Variants in SLC25A48 observed in about 807,000 individuals in gnomAD.
SLC25A48 encodes solute carrier family 25 member 48.
A neutral mutation model predicts 32.2 loss-of-function variants in SLC25A48; 29 were observed. The observed-to-expected ratio is 0.90, with a 90% confidence interval of 0.67 to 1.23. The LOEUF is 1.23. Among genes scored for constraint, SLC25A48 ranks in the 50% most tolerant of loss-of-function variants. SLC25A48 has a pLI of 0.00. For synonymous variants in SLC25A48, 164 were observed against 172.3 expected, an observed-to-expected ratio of 0.95 and a Z score of 0.38; for missense variants, 399 against 422.7, an observed-to-expected ratio of 0.94 and a Z score of 0.49.
intron 3 of SLC25A48, among the ~76,000 whole-genome samples, chr5:135,770,473 G>A (rs1179616641): frequency 6.6e-6 from 1 of 151,508 alleles, no homozygotes; most frequent in East Asian, 1.9e-4. Flanking sequence ...AGGCGGGAAG[G>A]GTGATATTAC....
At chr5:135,676,019 G>T (rs1753760816) in intron 3 of SLC25A48, among the ~76,000 whole-genome samples, 1 of 151,754 alleles carries the variant, frequency 6.6e-6, no homozygotes, top group Admixed American at 6.6e-5. Flanking sequence ...TATTTTTGGT[G>T]AACACGAATG....
intron 1 of SLC25A48, among the ~76,000 whole-genome samples, chr5:135,838,714 T>C (rs1313162388): frequency 7.2e-5 from 11 of 152,262 alleles, no homozygotes. Context: ...CCCCAAGCCT[T>C]GGCAGCTTAC....
chr5:135,767,489 T>C (rs1756273318), intron 3 of SLC25A48, among the ~76,000 whole-genome samples: 1 of 151,976 alleles, frequency 6.6e-6, no homozygotes, highest in African/African-American at 2.4e-5. Flanking sequence ...CCTGGTGATA[T>C]TGTTCATAAT....
intron 3 of SLC25A48, among the ~76,000 whole-genome samples, chr5:135,783,329 T>C (rs4036633): frequency 0.52 from 59,024 of 113,974 alleles, 22,569 homozygotes; most frequent in Middle Eastern, 0.72. Flanking sequence ...GGGTGTACAA[T>C]CCCCACTGTG....
At chr5:135,812,885 G>C (rs2126652523) in exon 4 of SLC25A48, 1 of 152,444 alleles carries the variant, frequency 6.6e-6, no homozygotes, top group Non-Finnish European at 1.5e-5. Context: ...AGTGAATGAA[G>C]TGATAAAACC....
intron 1 of SLC25A48, among the ~76,000 whole-genome samples, chr5:135,624,957 CTG>C (rs1364515743): frequency 6.6e-6 from 1 of 152,176 alleles, no homozygotes; most frequent in Non-Finnish European, 1.5e-5. Flanking sequence ...TGGAATATCA[CTG>C]TGCCAGGCCC....
intron 2 of SLC25A48, among the ~76,000 whole-genome samples, chr5:135,845,029 C>T (rs1759294012): frequency 6.6e-6 from 1 of 152,178 alleles, no homozygotes; most frequent in East Asian, 1.9e-4. Flanking sequence ...CCTTGGGCTG[C>T]TGTAACAAAT....
chr5:135,777,791 G>C (rs1046414893), intron 3 of SLC25A48, among the ~76,000 whole-genome samples: 2 of 151,124 alleles, frequency 1.3e-5, no homozygotes, highest in Non-Finnish European at 3.0e-5. Flanking sequence ...ATCCGGGGGG[G>C]GGGGGAATGT....
chr5:135,754,387 C>T lies in SLC25A48; in HGVS notation c.-520-58136C>T, dbSNP rs1356825155. 2.6e-5 allele frequency among the ~76,000 whole-genome samples: 4 copies of T among 151,906 alleles called. No homozygotes were observed. The East Asian group carries it at 7.7e-4, about 29-fold the overall frequency. On this transcript the variant is annotated intron_variant, in intron 3 of 10. Coordinates refer to the SLC25A48 transcript ENST00000646290. ...AATTACTGTGATATTACTGAAATAT[C>T]CCTCTGGTATTTATCATATTACAGT...
rs1466635555 is a variant in SLC25A48 at position 135,671,232 on chromosome 5, G to A, written c.-521+36276G>A. 3.9e-5 allele frequency among the ~76,000 whole-genome samples: 6 copies of A among 152,344 alleles called. No individual in the cohort carries two copies. In the South Asian group the frequency reaches 6.2e-4, roughly 16 times the overall value. On this transcript the variant is annotated intron_variant, in intron 3 of 10. Transcript: ENST00000646290. ...TTGGGCTCAAGCTTGCAATTCACAG[G>A]TGTGCCCATACAAGCCCAGACCTGG...
chr5:135,590,351 G>C (rs116353144), intron 1 of SLC25A48, among the ~76,000 whole-genome samples: 1 of 152,128 alleles, frequency 6.6e-6, no homozygotes, highest in Non-Finnish European at 1.5e-5. Flanking sequence ...AAGAGCTGGA[G>C]GAGGGCCTTT....
At chr5:135,830,518 C>G (rs1200451145), upstream of SLC25A48, among the ~76,000 whole-genome samples, 13 of 152,246 alleles carry the variant, frequency 8.5e-5, no homozygotes, top group Admixed American at 8.5e-4. Flanking sequence ...CCACTTACCT[C>G]TGCTTCTTGA....
chr5:135,644,653 G>A (rs801567), intron 3 of SLC25A48, among the ~76,000 whole-genome samples: 123,947 of 152,102 alleles, frequency 0.81, 50,625 homozygotes, highest in East Asian at 1. Context: ...CCACCCAGCT[G>A]ATGAATGATG....
chr5:135,674,319 A>G (rs1474597093), intron 3 of SLC25A48, among the ~76,000 whole-genome samples: 1 of 151,910 alleles, frequency 6.6e-6, no homozygotes, highest in East Asian at 1.9e-4. Context: ...GAAATATACA[A>G]TATTTTGTTA....
intron 3 of SLC25A48, among the ~76,000 whole-genome samples, chr5:135,738,693 A>T (rs1006205534): frequency 6.6e-6 from 1 of 152,194 alleles, no homozygotes; most frequent in South Asian, 2.1e-4. Context: ...TGCAGTCCCA[A>T]GCCCCACAGG....
chr5:135,743,543 C>T (rs965799241), intron 3 of SLC25A48, among the ~76,000 whole-genome samples: 6 of 152,132 alleles, frequency 3.9e-5, no homozygotes, highest in African/African-American at 1.2e-4. Context: ...ATAGCAGGCA[C>T]GTACTAAGTA....
intron 3 of SLC25A48, among the ~76,000 whole-genome samples, chr5:135,719,435 G>A (rs1225953526): frequency 6.6e-6 from 1 of 152,140 alleles, no homozygotes; most frequent in Non-Finnish European, 1.5e-5. Flanking sequence ...TTGGGGAGAA[G>A]CACAAAGAGT....
intron 3 of SLC25A48, among the ~76,000 whole-genome samples, chr5:135,718,582 A>G (rs1378228146): frequency 6.6e-6 from 1 of 152,212 alleles, no homozygotes; most frequent in Admixed American, 6.5e-5. Flanking sequence ...ATGAATATAA[A>G]CGTGTTTTTT....
chr5:135,776,293 A>G lies in SLC25A48; in HGVS notation c.-520-36230A>G, dbSNP rs549235823. Reference sequence around the variant, plus strand: ...GGGGGTGGGGGGCAGAGAGAATAATATTACTTCCATTATCACACGGGGTAT... The same window carrying G: ...GGGGGTGGGGGGCAGAGAGAATAATGTTACTTCCATTATCACACGGGGTAT... On this transcript the variant is annotated intron_variant, in intron 3 of 10. Coordinates refer to the SLC25A48 transcript ENST00000646290. Among the ~76,000 whole-genome samples the G allele has an allele frequency of 5.3e-5, 8 of 150,042 alleles. No homozygotes were observed. In the South Asian group the frequency reaches 1.3e-3, roughly 24 times the overall value.
Sources: allele counts gnomAD v4.1 joint callset (sites outside exome capture counted in the v4.1 genomes callset), GRCh38; gene constraint gnomAD v4.1.1; transcripts MANE v1.5; gene names NCBI Gene and HGNC (gene_info 2026-07-23, HGNC 2026-07-21).